The following ARPP21 variants were observed in gnomAD, a reference collection of about 807,000 sequenced individuals.
ARPP21 encodes cAMP-regulated phosphoprotein 21.
In ARPP21, 69 loss-of-function variants were observed where a neutral mutation model predicts 113.2. That is an observed-to-expected ratio of 0.61 (90% CI 0.50 to 0.74). ARPP21 has a LOEUF of 0.74. ARPP21 is among the 30% of genes least tolerant of loss of function. The pLI is 0.00. For synonymous variants in ARPP21, 368 were observed against 375.5 expected (o/e 0.98, Z 0.23); for missense variants, 1,070 against 1,037.4 (o/e 1.03, Z -0.43).
intron 1 of ARPP21, among the ~76,000 whole-genome samples, chr3:35,676,379 T>C (rs994306931): frequency 2.6e-5 from 2 of 76,736 alleles, no homozygotes; most frequent in African/African-American, 4.8e-5. Context: ...TATAACCTTC[T>C]ACATGTTTAT....
intron 1 of ARPP21, among the ~76,000 whole-genome samples, chr3:35,674,744 C>T (rs1337882427): frequency 6.6e-6 from 1 of 151,780 alleles, no homozygotes; most frequent in Non-Finnish European, 1.5e-5. Flanking sequence ...TATTTAGAAA[C>T]CCAAATGTGT....
chr3:35,696,010 G>A (rs2083858896), intron 9 of ARPP21, among the ~76,000 whole-genome samples: 1 of 151,504 alleles, frequency 6.6e-6, no homozygotes, highest in South Asian at 2.1e-4. Context: ...TCTACTGGCT[G>A]GAGGCAAATA....
At chr3:35,783,856 A>G (rs767433399) in intron 19 of ARPP21, among the ~76,000 whole-genome samples, 35 of 151,842 alleles carry the variant, frequency 2.3e-4, no homozygotes, top group South Asian at 1.0e-3. Flanking sequence ...ATTTTTTTGT[A>G]TCTTTGCCCT....
chr3:35,775,439 CAT>C (rs1404539258), intron 19 of ARPP21, among the ~76,000 whole-genome samples: 1 of 152,010 alleles, frequency 6.6e-6, no homozygotes, highest in African/African-American at 2.4e-5. Flanking sequence ...TGTAAATGTA[CAT>C]ATGTGTGTGA....
intron 15 of ARPP21, among the ~76,000 whole-genome samples, chr3:35,735,730 G>C (rs1440291489): frequency 6.6e-6 from 1 of 152,194 alleles, no homozygotes; most frequent in Non-Finnish European, 1.5e-5. Context: ...GGTTCCTAGA[G>C]AATATTTCTG....
intron 13 of ARPP21, among the ~76,000 whole-genome samples, chr3:35,720,890 G>T (rs1417103559): frequency 1.3e-5 from 2 of 152,052 alleles, no homozygotes; most frequent in Non-Finnish European, 2.9e-5. Context: ...TATTTCCATT[G>T]TTCCCCTTGG....
intron 1 of ARPP21, among the ~76,000 whole-genome samples, chr3:35,666,372 T>C (rs1419302259): frequency 1.3e-5 from 2 of 152,186 alleles, no homozygotes; most frequent in African/African-American, 4.8e-5. Context: ...CCAAGTCATA[T>C]TGCAAAATTA....
chr3:35,673,128 T>C (rs2076744533), intron 1 of ARPP21, among the ~76,000 whole-genome samples: 1 of 152,062 alleles, frequency 6.6e-6, no homozygotes, highest in Admixed American at 6.6e-5. Context: ...CACAAAACTA[T>C]AGCTCAGAGC....
At chr3:35,674,298 C>T (rs750697822) in intron 1 of ARPP21, among the ~76,000 whole-genome samples, 1 of 151,846 alleles carries the variant, frequency 6.6e-6, no homozygotes, top group African/African-American at 2.4e-5. Flanking sequence ...AGATTAAGAA[C>T]ATTTTTGTCT....
intron 1 of ARPP21, among the ~76,000 whole-genome samples, chr3:35,655,940 C>A (rs1000199723): frequency 6.6e-6 from 1 of 151,882 alleles, no homozygotes; most frequent in Non-Finnish European, 1.5e-5. Flanking sequence ...AGTACATGAA[C>A]CAGAATTTGA....
chr3:35,767,288 C>T (rs1420600020), intron 19 of ARPP21, among the ~76,000 whole-genome samples: 1 of 152,056 alleles, frequency 6.6e-6, no homozygotes, highest in Non-Finnish European at 1.5e-5. Context: ...GACTTAAATC[C>T]TTTAGACTTC....
intron 19 of ARPP21, among the ~76,000 whole-genome samples, chr3:35,753,430 A>G (rs1206841028): frequency 6.6e-6 from 1 of 152,044 alleles, no homozygotes; most frequent in Non-Finnish European, 1.5e-5. Context: ...TGGGAATTTC[A>G]ACAAATTTAA....
intron 19 of ARPP21, among the ~76,000 whole-genome samples, chr3:35,783,814 G>A (rs2096575065): frequency 6.6e-6 from 1 of 152,030 alleles, no homozygotes; most frequent in Non-Finnish European, 1.5e-5. Flanking sequence ...CTAACCTATT[G>A]CTATGCCTGT....
rs374013588 is a variant in ARPP21, at chr3:35,673,476, T to A, written c.-212-6311T>A. 7.8e-4 allele frequency among the ~76,000 whole-genome samples: 119 copies of A among 151,958 alleles called. No individual in the cohort carries two copies. The South Asian group carries it at 0.023, about 29-fold the overall frequency. ...GATTCCTTTTTAAAAGGTTTGGGAG[T>A]GATGATTTTGGTAATAATAAATCTG... is the stretch of plus-strand genomic sequence containing the variant. On this transcript the variant is annotated intron_variant, in intron 1 of 20. Coordinates refer to ENST00000684406, the MANE Select transcript of ARPP21 (RefSeq NM_001385562.1).
chr3:35,695,457 T>C (rs925035364), intron 9 of ARPP21, among the ~76,000 whole-genome samples: 1 of 151,542 alleles, frequency 6.6e-6, no homozygotes, highest in Non-Finnish European at 1.5e-5. Context: ...ACTATAGTTA[T>C]AGTGGGGGAA....
At chr3:35,731,835 T>C (rs1275701745) in intron 15 of ARPP21, among the ~76,000 whole-genome samples, 1 of 152,186 alleles carries the variant, frequency 6.6e-6, no homozygotes, top group Non-Finnish European at 1.5e-5. Flanking sequence ...ACAGAAATAC[T>C]TGGGTGTTAG....
chr3:35,668,027 A>AAGGAGAAGGAGAAGGAGAAGG (rs1553646508), intron 1 of ARPP21, among the ~76,000 whole-genome samples: 6 of 132,468 alleles, frequency 4.5e-5, no homozygotes, highest in African/African-American at 1.4e-4. Flanking sequence ...GAAGAAGAAG[A>AAGGAGAAGGAGAAGGAGAAGG]AGAAGGAGAA....
rs964933913 is a variant in ARPP21 at position 35,690,144 on chromosome 3, T to A, written c.545+4T>A. 5 of 1,391,762 alleles carry A rather than the reference T, an allele frequency of 3.6e-6. No homozygotes were observed. The highest frequency in any genetic ancestry group is 1.4e-5 in the African/African-American group (1 of 70,564). The allele number at this position is 1,391,762 out of a possible 1,614,324, so 86.2% of individuals were successfully genotyped here. ...TTGATTTCATTGCTGACAACAAGTATGTTAAACTTCAATGCTGGTTAATTT... is the reference window on the plus strand; with the variant it reads ...TTGATTTCATTGCTGACAACAAGTAAGTTAAACTTCAATGCTGGTTAATTT... On this transcript the variant is annotated splice_donor_region_variant and intron_variant, in intron 8 of 20. Coordinates refer to ENST00000684406, the MANE Select transcript of ARPP21 (RefSeq NM_001385562.1).
Position 35,683,765 on chromosome 3 carries a change from G to A in ARPP21, c.211G>A (p.Val71Ile), listed in dbSNP as rs2079681493. ...AGGTAAACTGACTCGCAGCCTTGCT[G>A]TCTGTGAGGAATCTTCTGCCAGACC... is the stretch of plus-strand genomic sequence containing the variant. Reference protein sequence around the residue: ...GKGKLTRSLAVCEESSARPGG... With the variant: ...GKGKLTRSLAICEESSARPGG... Residue 71 changes from valine to isoleucine, a missense_variant, in exon 5 of 21, where the codon GTC (valine) becomes ATC (isoleucine). Coordinates refer to ENST00000684406, the MANE Select transcript of ARPP21 (RefSeq NM_001385562.1). 1.9e-6 allele frequency: 3 copies of A among 1,541,922 alleles called. No individual in the cohort carries two copies. Among genetic ancestry groups the A allele is most frequent in the Non-Finnish European group, 2.7e-6 (3 of 1,116,326 alleles).
Sources: allele counts gnomAD v4.1 joint callset (sites outside exome capture counted in the v4.1 genomes callset), GRCh38; gene constraint gnomAD v4.1.1; transcripts MANE v1.5; gene names NCBI Gene and HGNC (gene_info 2026-07-23, HGNC 2026-07-21).